The following DIP2A variants were observed in gnomAD, a reference collection of about 807,000 sequenced individuals.
The protein encoded by DIP2A is disco-interacting protein 2 homolog A.
In DIP2A, 85 loss-of-function variants were observed where a neutral mutation model predicts 177.4. That is an observed-to-expected ratio of 0.48 (90% CI 0.40 to 0.57). DIP2A has a LOEUF of 0.57. Ranked by LOEUF, DIP2A falls within the 20% of genes least tolerant of loss-of-function variation. The pLI, the probability that DIP2A is intolerant of heterozygous loss-of-function variation, is 0.00. For synonymous variants in DIP2A, 886 were observed against 881.8 expected, an observed-to-expected ratio of 1.00 and a Z score of -0.08; for missense variants, 1,791 against 2,100.2, an observed-to-expected ratio of 0.85 and a Z score of 2.88.
chr21:46,516,888 A>T (rs1318920542), intron 8 of DIP2A, among the ~76,000 whole-genome samples: 1 of 151,918 alleles, frequency 6.6e-6, no homozygotes, highest in African/African-American at 2.4e-5. Flanking sequence ...TATAGTTACT[A>T]TTCTAATACT....
the DIP2A span, among the ~76,000 whole-genome samples, chr21:46,580,373 AC>A: frequency 6.6e-6 from 1 of 152,148 alleles, no homozygotes; most frequent in African/African-American, 2.4e-5. Flanking sequence ...AATACAGCAC[AC>A]TGATGGGTCT....
rs1569126817 is a variant in DIP2A at position 46,567,845 on chromosome 21, A to AT, written c.*227dup. 2 of 484,446 alleles carry AT rather than the reference A, an allele frequency of 4.1e-6. No homozygotes were observed. 30.0% of individuals were successfully genotyped at this position (484,446 alleles called of 1,614,324 possible). A position where few individuals can be genotyped will look rare whatever the true frequency, so the allele number is the denominator to read the frequency against. ...CATTTACAAAAACACGGATGCTGGTATTTTAACAGATGGAGAGACAAGGAA... is the reference window on the plus strand; with the variant it reads ...CATTTACAAAAACACGGATGCTGGTATTTTTAACAGATGGAGAGACAAGGAA... On this transcript the variant is annotated 3_prime_UTR_variant, in exon 38 of 38. Coordinates refer to ENST00000417564, the MANE Select transcript of DIP2A (RefSeq NM_015151.4).
At chr21:46,583,115 C>T in the DIP2A span, among the ~76,000 whole-genome samples, 1 of 152,276 alleles carries the variant, frequency 6.6e-6, no homozygotes, top group South Asian at 2.1e-4. Flanking sequence ...CTATACTAAT[C>T]TCATACAAAA....
intron 6 of DIP2A, among the ~76,000 whole-genome samples, chr21:46,506,547 A>G (rs1316351354): frequency 6.6e-6 from 1 of 152,168 alleles, no homozygotes; most frequent in Admixed American, 6.5e-5. Flanking sequence ...TGTTTAAAAA[A>G]TTTCAGCCAT....
In DIP2A at chr21:46,563,719, G is replaced by A. The variant is rs538893506; in HGVS notation, c.4090-139G>A. On this transcript the variant is annotated intron_variant, in intron 34 of 37. Transcript: ENST00000417564. This position sits in a 1 kb window ranked among gnomAD's most constrained non-coding sequence, Gnocchi z 4.3. ...AAAATTCAAAGTCAAATTTGGAGCGGCCTCTAAACTTCCTGACCTGACATG... is the reference window on the plus strand; with the variant it reads ...AAAATTCAAAGTCAAATTTGGAGCGACCTCTAAACTTCCTGACCTGACATG... The A allele has an allele frequency of 8.5e-4, 1,173 of 1,380,696 alleles. 1 individual carries two copies. The highest frequency in any genetic ancestry group is 1.0e-3 in the Non-Finnish European group (1,098 of 1,053,572). The allele number at this position is 1,380,696 out of a possible 1,614,324, so 85.5% of individuals were successfully genotyped here. A position where few individuals can be genotyped will look rare whatever the true frequency, so the allele number is the denominator to read the frequency against.
intron 20 of DIP2A, 118 bp downstream of exon 20, chr21:46,546,079 T>C: frequency 6.4e-7 from 1 of 1,556,128 alleles, no homozygotes; most frequent in Non-Finnish European, 8.7e-7. Context: ...CATGTGGCCT[T>C]GGTCGGTGGC....
In DIP2A at chr21:46,540,084, A is replaced by C. The variant is rs2059749736; in HGVS notation, c.2036+93A>C. The C allele has an allele frequency of 2.9e-6, 3 of 1,038,156 alleles. No individual in the cohort carries two copies. In the African/African-American group the frequency reaches 4.7e-5, roughly 16 times the overall value. 64.3% of individuals were successfully genotyped at this position (1,038,156 alleles called of 1,614,324 possible). A position where few individuals can be genotyped will look rare whatever the true frequency, so the allele number is the denominator to read the frequency against. ...TGGAGCTGTGCCTGTGCCTGTTAGG[A>C]TCCAGGCCCATTTGTGCAGTAGTAC... On this transcript the variant is annotated intron_variant, in intron 17 of 37. Coordinates refer to ENST00000417564, the MANE Select transcript of DIP2A (RefSeq NM_015151.4).
intron 27 of DIP2A, 36 bp from the exon 28 acceptor site, chr21:46,554,786 G>GGGGGGGGGGGGCCC: frequency 3.3e-6 from 5 of 1,518,950 alleles, no homozygotes; most frequent in South Asian, 1.2e-5. Flanking sequence ...AGCTTGAGAG[G>GGGGGGGGGGGGCCC]CCCCGCCCAC....
At chr21:46,497,719 AAATAG>A (rs1421716794) in intron 4 of DIP2A, among the ~76,000 whole-genome samples, 1 of 152,210 alleles carries the variant, frequency 6.6e-6, no homozygotes, top group Non-Finnish European at 1.5e-5. Context: ...AAAGTATCAA[AAATAG>A]TGACACCCAT....
chr21:46,540,109 C>A, intron 17 of DIP2A, 118 bp downstream of exon 17: 1 of 802,020 alleles, frequency 1.2e-6, no homozygotes, highest in Non-Finnish European at 2.0e-6. Context: ...TGCAGTAGTA[C>A]CTTGGTGCCT....
rs1056308973 is a variant in DIP2A at position 46,569,487 on chromosome 21, A to G, written c.*1865A>G. Reference sequence around the variant, plus strand: ...TAGAATGGCTGGGAAGGGAAAGAAAAAAAAAAAAAAACTACCTAACTCCAA... The same window carrying G: ...TAGAATGGCTGGGAAGGGAAAGAAAGAAAAAAAAAAACTACCTAACTCCAA... On this transcript the variant is annotated 3_prime_UTR_variant, in exon 38 of 38. Coordinates refer to ENST00000417564, the MANE Select transcript of DIP2A (RefSeq NM_015151.4). 1 of 151,974 alleles carries G rather than the reference A, an allele frequency of 6.6e-6. No individual in the cohort carries two copies. The highest frequency in any genetic ancestry group is 1.5e-5 in the Non-Finnish European group (1 of 67,976). 9.4% of individuals were successfully genotyped at this position (151,974 alleles called of 1,614,324 possible). A position where few individuals can be genotyped will look rare whatever the true frequency, so the allele number is the denominator to read the frequency against.
At chr21:46,518,544 G>C (rs990794318) in intron 8 of DIP2A, among the ~76,000 whole-genome samples, 4 of 152,138 alleles carry the variant, frequency 2.6e-5, no homozygotes, top group African/African-American at 9.7e-5. Flanking sequence ...AGTACCCCTT[G>C]AATCTTTTAC....
intron 8 of DIP2A, among the ~76,000 whole-genome samples, chr21:46,513,115 T>TA (rs1555890784): frequency 6.3e-4 from 96 of 151,710 alleles, no homozygotes; most frequent in Middle Eastern, 3.4e-3. Context: ...TGTTTTTTTT[T>TA]CCTGTATTGT....
chr21:46,497,553 G>T (rs2057424811), intron 4 of DIP2A, among the ~76,000 whole-genome samples: 1 of 152,180 alleles, frequency 6.6e-6, no homozygotes, highest in African/African-American at 2.4e-5. Flanking sequence ...GGTTGATTTT[G>T]TTGTTGTTTT....
chr21:46,562,765 C>T (rs921632262), intron 34 of DIP2A, among the ~76,000 whole-genome samples: 9 of 152,154 alleles, frequency 5.9e-5, no homozygotes, highest in African/African-American at 9.7e-5. Flanking sequence ...TCACTTCAGG[C>T]GGTAGACCAG....
rs2148915908 is a variant in DIP2A at position 46,563,495 on chromosome 21, A to C, written c.4090-363A>C. On this transcript the variant is annotated intron_variant, in intron 34 of 37. Coordinates refer to ENST00000417564, the MANE Select transcript of DIP2A (RefSeq NM_015151.4). The surrounding 1 kb of genome is among the most constrained non-coding windows in gnomAD (Gnocchi z 4.3). ...GGTTCCTGGCCAAGAACTAGGACAG[A>C]CATGTGCCTCCTGCAGGGCTGGGCA... is the stretch of plus-strand genomic sequence containing the variant. 6.6e-6 allele frequency among the ~76,000 whole-genome samples: 1 copy of C among 152,288 alleles called. No homozygotes were observed. Among genetic ancestry groups the C allele is most frequent in the East Asian group, 1.9e-4 (1 of 5,168 alleles).
intron 11 of DIP2A, 53 bp downstream of exon 11, chr21:46,533,700 A>G: frequency 6.2e-7 from 1 of 1,606,266 alleles, no homozygotes; most frequent in South Asian, 1.1e-5. Flanking sequence ...GTCTGTGTTA[A>G]ATGCATGGTG....
At chr21:46,503,742 T>C (rs2057825666) in intron 5 of DIP2A, among the ~76,000 whole-genome samples, 1 of 151,890 alleles carries the variant, frequency 6.6e-6, no homozygotes, top group African/African-American at 2.4e-5. Flanking sequence ...TTTTTTCTTT[T>C]TGAGAGAGAG....
chr21:46,545,222 A>G lies in DIP2A; in HGVS notation c.2262A>G (p.Ala754=), dbSNP rs565951201. Residue 754 remains alanine (A), a synonymous_variant, in exon 19 of 38, where the codon GCA becomes GCG. Coordinates refer to ENST00000417564, the MANE Select transcript of DIP2A (RefSeq NM_015151.4). ...GAGAAATATGCGTCAGTTCCAGTGC[A>G]ACTGGCACAGCGTACTATGGATTGC... is the stretch of plus-strand genomic sequence containing the variant. ...EVGEICVSSS[A]TGTAYYGLLG... The G allele has an allele frequency of 2.4e-5, 39 of 1,610,134 alleles. No individual in the cohort carries two copies. The African/African-American group carries it at 4.8e-4, about 20-fold the overall frequency.
Sources: gnomAD v4.1 joint callset for allele counts (sites outside exome capture counted in the v4.1 genomes callset) on GRCh38, gnomAD v4.1.1 for gene constraint, Gnocchi (gnomAD v3.1) non-coding constraint, MANE v1.5 for transcripts, NCBI Gene and HGNC (gene_info 2026-07-23, HGNC 2026-07-21) for gene names.